CEP290: variants seen among roughly 807,000 people sequenced by gnomAD.
CEP290 encodes the protein centrosomal protein 290.
In CEP290, 317 loss-of-function variants were observed where a neutral mutation model predicts 344.9. The observed-to-expected ratio is 0.92, with a 90% CI of 0.84 to 1.01. CEP290 has a LOEUF of 1.01. Among genes scored for constraint, CEP290 ranks in the 50% least tolerant of loss-of-function variants. The probability of loss-of-function intolerance (pLI) is 0.00; values close to 1 mark genes in which losing one functional copy is unlikely to be tolerated. For missense variants in CEP290, 2,754 were observed against 2,761.4 expected (o/e 1.00, Z 0.06); for synonymous variants, 932 against 895.8 (o/e 1.04, Z -0.72).
chr12:88,077,550 T>C lies in CEP290; in HGVS notation c.5586+147A>G, dbSNP rs1592806534. The C allele has an allele frequency of 1.5e-5, 10 of 670,594 alleles. No individual in the cohort carries two copies. The East Asian group carries it at 2.6e-4, about 17-fold the overall frequency. The allele number at this position is 670,594 out of a possible 1,614,324, so 41.5% of individuals were successfully genotyped here. ...TGCTACTCTAGAACTATAAACACAA[T>C]AGAAGTCACAAAAGAAATTAATTAC... On this transcript the variant is annotated intron_variant, in intron 40 of 53. Coordinates refer to ENST00000552810, the MANE Select transcript of CEP290 (RefSeq NM_025114.4).
chr12:88,051,726 C>A (rs1046529940), intron 52 of CEP290: 4 of 152,100 alleles, frequency 2.6e-5, no homozygotes, highest in Admixed American at 2.6e-4. Context: ...TGCACATGCA[C>A]CTGATCTCTG....
chr12:88,059,139 C>A, intron 48 of CEP290, 119 bp from the exon 49 acceptor site: 8 of 775,482 alleles, frequency 1.0e-5, no homozygotes, highest in Non-Finnish European at 1.6e-5. Context: ...GCTCTAAATG[C>A]TGATTAAAAT....
At chr12:88,081,296 TA>T (rs1483360201) in intron 37 of CEP290, among the ~76,000 whole-genome samples, 1 of 152,194 alleles carries the variant, frequency 6.6e-6, no homozygotes, top group African/African-American at 2.4e-5. Flanking sequence ...TTGAAAAGAC[TA>T]ATATAAATTT....
chr12:88,135,246 G>A (rs936959571), intron 6 of CEP290, among the ~76,000 whole-genome samples: 4 of 152,060 alleles, frequency 2.6e-5, no homozygotes, highest in Non-Finnish European at 4.4e-5. Context: ...GAATTGAGCA[G>A]CCAAAAAGGA....
chr12:88,056,074 A>G (rs1000092635), intron 49 of CEP290, among the ~76,000 whole-genome samples: 2 of 152,144 alleles, frequency 1.3e-5, no homozygotes, highest in African/African-American at 4.8e-5. Flanking sequence ...AAATATAAAG[A>G]TGGCAAATAA....
rs1180076652 is a variant in CEP290, at chr12:88,077,875, T to C, written c.5408A>G (p.Glu1803Gly). Residue 1803 changes from glutamate to glycine, a missense_variant, in exon 40 of 54, where the codon GAA becomes GGA. Coordinates refer to ENST00000552810, the MANE Select transcript of CEP290 (RefSeq NM_025114.4). Reference protein sequence around the residue: ...DLNENLLKLKEALKTSKNREN... With the variant: ...DLNENLLKLKGALKTSKNREN... ...TCTGTTTTTACTTGTTTTAAGTGCT[T>C]CTTTCAATTTTAAAAGATTTTCATT... is the stretch of plus-strand genomic sequence containing the variant. 1.4e-6 allele frequency: 2 copies of C among 1,407,656 alleles called. No individual in the cohort carries two copies. Among genetic ancestry groups the C allele is most frequent in the African/African-American group, 2.9e-5 (2 of 68,494 alleles). 87.2% of individuals were successfully genotyped at this position (1,407,656 alleles called of 1,614,324 possible).
chr12:88,134,000 A>C (rs1179156790), intron 6 of CEP290, among the ~76,000 whole-genome samples: 1 of 152,160 alleles, frequency 6.6e-6, no homozygotes, highest in Non-Finnish European at 1.5e-5. Context: ...GACATTTCTC[A>C]GAGACGTGCC....
intron 23 of CEP290, among the ~76,000 whole-genome samples, chr12:88,108,765 C>A (rs1402021200): frequency 6.6e-6 from 1 of 152,058 alleles, no homozygotes; most frequent in Non-Finnish European, 1.5e-5. Flanking sequence ...GTATTACTTA[C>A]AAAGTAACTT....
Position 88,093,794 on chromosome 12 carries a change from A to G in CEP290, c.3285T>C (p.Phe1095=), listed in dbSNP as rs1220168395. ...CCTCAGCAAATTTGGTTTCCAATTC[A>G]AAATTACGTTCCTCCATTTGCTTTA... The part of the protein sequence containing the change: ...TSLKQMEERN[F]ELETKFAELT... Residue 1095 remains phenylalanine, a synonymous_variant, in exon 28 of 54, where the codon TTT becomes TTC. Transcript: ENST00000552810. 6.2e-7 allele frequency: 1 copy of G among 1,610,164 alleles called. No homozygotes were observed. Among genetic ancestry groups the G allele is most frequent in the Admixed American group, 1.7e-5 (1 of 59,610 alleles).
Position 88,090,778 on chromosome 12 carries a change from AT to A in CEP290, c.3522del (p.Gln1174HisfsTer7). The A allele has an allele frequency of 6.4e-7, 1 of 1,563,590 alleles. No individual in the cohort carries two copies. ...RQVEILNAQQ[Q>X]SRDKEVESLR... The stretch of plus-strand genomic sequence containing the variant: ...AGGGACTCTACTTCCTTGTCCCTAG[AT>A]TGTTGTTGTGCATTCAAAATTTCAA... On this transcript the variant is annotated frameshift_variant, in exon 30 of 54. Transcript: ENST00000552810. LOFTEE classifies it high-confidence loss of function.
In CEP290 at chr12:88,071,938, A is replaced by C; in HGVS notation, c.5710-12T>G. ...TCTTCTTTAGCATTCTGTAACAATAACGAAGGAGGTAGGAAAATTACCAGT... is the reference window on the plus strand; with the variant it reads ...TCTTCTTTAGCATTCTGTAACAATACCGAAGGAGGTAGGAAAATTACCAGT... On this transcript the variant is annotated splice_polypyrimidine_tract_variant and intron_variant, in intron 41 of 53. Transcript: ENST00000552810. 1 of 1,564,592 alleles carries C rather than the reference A, an allele frequency of 6.4e-7. No individual in the cohort carries two copies. Among genetic ancestry groups the C allele is most frequent in the Non-Finnish European group, 8.6e-7 (1 of 1,161,448 alleles).
intron 39 of CEP290, 32 bp from the exon 40 acceptor site, chr12:88,077,950 G>A (rs1368917909): frequency 3.3e-6 from 3 of 909,160 alleles, no homozygotes; most frequent in Non-Finnish European, 4.9e-6. Context: ...TATTATTCAT[G>A]ACTCTTCAAG....
At chr12:88,071,962 G>C (rs2035411982) in intron 41 of CEP290, 36 bp from the exon 42 acceptor site, 1 of 1,502,514 alleles carries the variant, frequency 6.7e-7, no homozygotes, top group South Asian at 1.3e-5. Context: ...AAAATTACCA[G>C]TGTTATTTTA....
intron 26 of CEP290, among the ~76,000 whole-genome samples, chr12:88,100,892 A>G (rs2037818822): frequency 1.3e-5 from 2 of 152,232 alleles, no homozygotes; most frequent in African/African-American, 2.4e-5. Context: ...AAGAACATAC[A>G]TAAGAAAGAA....
Position 88,141,281 on chromosome 12 carries a change from T to G in CEP290, c.27A>C (p.Glu9Asp). 1 of 1,611,324 alleles carries G rather than the reference T, an allele frequency of 6.2e-7. No individual in the cohort carries two copies. Among genetic ancestry groups the G allele is most frequent in the South Asian group, 1.1e-5 (1 of 90,120 alleles). Reference protein sequence around the residue: MPPNINWKEIMKVDPDDLP... With the variant: MPPNINWKDIMKVDPDDLP... ...GGTCATCTGGGTCAACTTTCATTAT[T>G]TCTTTCCAGTTTATATTAGGTGGCA... The change falls in exon 2 of 54, where the codon GAA (glutamate) becomes GAC (aspartate). Residue 9 changes from glutamate to aspartate, a missense_variant. By Grantham distance (45) the Glu-to-Asp change is conservative. Coordinates refer to ENST00000552810, the MANE Select transcript of CEP290 (RefSeq NM_025114.4).
chr12:88,118,641 G>T lies in CEP290; in HGVS notation c.1623+2C>A, dbSNP rs2039218006. Reference sequence around the variant, plus strand: ...AAATAATCAACTGACTACCACACTTGCCTCTTTCAAAAGAATCTGGTTTTC... The same window carrying T: ...AAATAATCAACTGACTACCACACTTTCCTCTTTCAAAAGAATCTGGTTTTC... On this transcript the variant is annotated splice_donor_variant, in intron 16 of 53. Transcript: ENST00000552810. LOFTEE classifies it high-confidence loss of function. 1.9e-6 allele frequency: 3 copies of T among 1,611,764 alleles called. No homozygotes were observed. The highest frequency in any genetic ancestry group is 3.3e-5 in the Admixed American group (2 of 59,982).
chr12:88,082,431 G>T (rs140181518), intron 37 of CEP290, among the ~76,000 whole-genome samples: 4 of 152,236 alleles, frequency 2.6e-5, no homozygotes, highest in Non-Finnish European at 5.9e-5. Context: ...AATGGCTCAG[G>T]CCTGTAATCC....
intron 30 of CEP290, 135 bp downstream of exon 30, chr12:88,090,593 G>A (rs1361951245): frequency 8.2e-6 from 5 of 611,724 alleles, no homozygotes; most frequent in South Asian, 3.9e-5. Context: ...ATGTACCACT[G>A]CACTCCACCC....
Position 88,071,304 on chromosome 12 carries a change from A to C in CEP290, c.6001T>G (p.Leu2001Val). The C allele has an allele frequency of 6.2e-7, 1 of 1,604,610 alleles. No homozygotes were observed. The highest frequency in any genetic ancestry group is 1.7e-4 in the Middle Eastern group (1 of 6,016). The part of the protein sequence containing the change: ...KRNLDLENDI[L>V]YMRAHQALPR... ...CACATAATAGCTTACCTCATATACAATATATCATTTTCTAAGTCAAGATTT... is the reference window on the plus strand; with the variant it reads ...CACATAATAGCTTACCTCATATACACTATATCATTTTCTAAGTCAAGATTT... The change falls in exon 43 of 54, where the codon TTG (leucine) becomes GTG (valine). Residue 2001 changes from leucine (L) to valine (V), a missense_variant. By Grantham distance (32) the Leu-to-Val change is conservative (BLOSUM62 1). Transcript: ENST00000552810.
Sources: gnomAD v4.1 joint callset for allele counts (sites outside exome capture counted in the v4.1 genomes callset) on GRCh38, gnomAD v4.1.1 for gene constraint, MANE v1.5 for transcripts, NCBI Gene and HGNC (gene_info 2026-07-23, HGNC 2026-07-21) for gene names.